Variants in EP300 observed in about 807,000 individuals in gnomAD.
The protein encoded by EP300 is histone acetyltransferase p300.
EP300 carries 31 observed loss-of-function variants against 264.0 expected under a neutral mutation model. The observed-to-expected ratio is 0.12, with a 90% CI of 0.09 to 0.16. The LOEUF is 0.16. EP300 is among the 10% of genes least tolerant of loss of function. The pLI is 1.00. For synonymous variants in EP300, 1,340 were observed against 1,045.4 expected (o/e 1.28, Z -5.44); for missense variants, 2,766 against 3,052.9 (o/e 0.91, Z 2.21).
At chr22:41,160,971 A>C (rs1293554170) in intron 20 of EP300, among the ~76,000 whole-genome samples, 2 of 150,598 alleles carry the variant, frequency 1.3e-5, no homozygotes, top group Non-Finnish European at 3.0e-5. Flanking sequence ...TATCCATCAT[A>C]GTAGAAAGCT....
chr22:41,102,024 CTTTTCTTTTTTT>C (rs2058734583), intron 1 of EP300, among the ~76,000 whole-genome samples: 1 of 126,612 alleles, frequency 7.9e-6, no homozygotes, highest in Admixed American at 8.9e-5. Flanking sequence ...GCTTTTTTTT[CTTTTCTTTTTTT>C]TTTTTTTTTT....
intron 10 of EP300, among the ~76,000 whole-genome samples, chr22:41,145,725 G>T (rs992576580): frequency 1.8e-4 from 27 of 152,092 alleles, no homozygotes; most frequent in African/African-American, 6.5e-4. Flanking sequence ...CCGGGGTCAT[G>T]CCCCGGGTTC....
intron 2 of EP300, among the ~76,000 whole-genome samples, chr22:41,123,303 T>A (rs1020893535): frequency 1.3e-5 from 2 of 151,972 alleles, no homozygotes; most frequent in African/African-American, 4.8e-5. Flanking sequence ...AGGCAAATGC[T>A]GGAGGCTCAA....
chr22:41,169,639 TTTTTTTC>T, intron 26 of EP300, 23 bp downstream of exon 26: 1 of 1,372,094 alleles, frequency 7.3e-7, no homozygotes, highest in Non-Finnish European at 1.0e-6. Flanking sequence ...TGATAATGGC[TTTTTTTC>T]TTTAACTAGC....
At chr22:41,143,210 T>C (rs967459568) in intron 10 of EP300, among the ~76,000 whole-genome samples, 1 of 152,112 alleles carries the variant, frequency 6.6e-6, no homozygotes, top group Non-Finnish European at 1.5e-5. Flanking sequence ...CCCAGCTCTT[T>C]GGGAGGCTGA....
intron 21 of EP300, among the ~76,000 whole-genome samples, chr22:41,163,414 G>A (rs530421407): frequency 8.2e-4 from 98 of 119,932 alleles, no homozygotes; most frequent in African/African-American, 2.2e-3. Flanking sequence ...CAGCCTGGGC[G>A]ACAGAGCGAG....
intron 20 of EP300, 104 bp from the exon 21 acceptor site, chr22:41,162,619 A>G: frequency 1.2e-6 from 1 of 868,834 alleles, no homozygotes; most frequent in Admixed American, 2.0e-5. Flanking sequence ...TTCTTAAAAA[A>G]CCTGAATCTC....
At chr22:41,095,086 C>T (rs1272409865) in intron 1 of EP300, among the ~76,000 whole-genome samples, 1 of 151,970 alleles carries the variant, frequency 6.6e-6, no homozygotes, top group East Asian at 1.9e-4. Context: ...TAACTTTACC[C>T]CCCTCCCCAA....
rs907281654 is a variant in EP300, at chr22:41,103,007, G to A, written c.94+9909G>A. Among the ~76,000 whole-genome samples the A allele has an allele frequency of 5.9e-5, 9 of 151,994 alleles. No individual in the cohort carries two copies. The South Asian group carries it at 6.2e-4, about 10-fold the overall frequency. ...TGGGACTAAAGGTATCCACCACCAC[G>A]CCTGGCTAATTTTTGTATTTTTAGT... On this transcript the variant is annotated intron_variant, in intron 1 of 30. Coordinates refer to ENST00000263253, the MANE Select transcript of EP300 (RefSeq NM_001429.4).
intron 1 of EP300, among the ~76,000 whole-genome samples, chr22:41,100,617 C>G (rs1204177977): frequency 6.6e-6 from 1 of 152,092 alleles, no homozygotes; most frequent in Non-Finnish European, 1.5e-5. Context: ...TGTCATTATT[C>G]CCTAAACAAT....
chr22:41,131,852 G>C (rs1053173136), intron 6 of EP300, among the ~76,000 whole-genome samples: 1 of 152,076 alleles, frequency 6.6e-6, no homozygotes, highest in East Asian at 1.9e-4. Flanking sequence ...TATGAGTTCA[G>C]ATTTGCAGAA....
At chr22:41,170,911 C>T (rs1456798755) in intron 27 of EP300, among the ~76,000 whole-genome samples, 2 of 150,876 alleles carry the variant, frequency 1.3e-5, no homozygotes, top group Non-Finnish European at 2.9e-5. Flanking sequence ...GATCCGCCCG[C>T]CTTGGCCTCC....
chr22:41,104,542 G>A (rs986521247), intron 1 of EP300, among the ~76,000 whole-genome samples: 9 of 151,930 alleles, frequency 5.9e-5, no homozygotes, highest in Admixed American at 4.6e-4. Flanking sequence ...CGCCCGCCTC[G>A]GCCTCCCAAA....
rs767850255 is a variant in EP300, at chr22:41,169,491, C to T, written c.4173-12C>T. On this transcript the variant is annotated splice_polypyrimidine_tract_variant and intron_variant, in intron 25 of 30. Coordinates refer to ENST00000263253, the MANE Select transcript of EP300 (RefSeq NM_001429.4). ...TTTTTTTTTCCTCTTCATTTCTCTT[C>T]ATTTTGTATAGGAGAGTATACATAT... The T allele has an allele frequency of 4.5e-6, 7 of 1,555,952 alleles. No homozygotes were observed. Among genetic ancestry groups the T allele is most frequent in the Non-Finnish European group, 6.2e-6 (7 of 1,130,672 alleles).
In EP300 at chr22:41,153,846, T is replaced by C. The variant is rs77091213; in HGVS notation, c.3143-1149T>C. ...TAAATATGAGTGACAAGCATCTTCG[T>C]AGTCTGGTTTCCCCCCACTCCATGG... is the stretch of plus-strand genomic sequence containing the variant. On this transcript the variant is annotated intron_variant, in intron 16 of 30. Transcript: ENST00000263253. 5.8e-3 allele frequency among the ~76,000 whole-genome samples: 891 copies of C among 152,312 alleles called. 4 individuals are homozygous for C. Among genetic ancestry groups the C allele is most frequent in the Non-Finnish European group, 9.3e-3 (630 of 68,020 alleles).
intron 30 of EP300, 39 bp downstream of exon 30, chr22:41,176,567 C>T (rs758096303): frequency 8.1e-6 from 13 of 1,612,388 alleles, no homozygotes; most frequent in Non-Finnish European, 1.0e-5. Flanking sequence ...GTGAGCTCCG[C>T]AGGGTTGTTC....
rs2145513006 is a variant in EP300, at chr22:41,176,376, A to G, written c.4909A>G (p.Lys1637Glu). 1 of 1,614,200 alleles carries G rather than the reference A, an allele frequency of 6.2e-7. No homozygotes were observed. The highest frequency in any genetic ancestry group is 8.5e-7 in the Non-Finnish European group (1 of 1,180,044). ...RDAFLTLARD[K>E]HLEFSSLRRA... ...TGCGTTTCTCACGCTGGCAAGGGAC[A>G]AGCACCTGGAGTTCTCTTCACTCCG... Residue 1637 changes from lysine to glutamate, a missense_variant, in exon 30 of 31, where the codon AAG becomes GAG. Physicochemically the swap from Lys to Glu is moderately conservative, Grantham distance 56. Transcript: ENST00000263253.
intron 10 of EP300, among the ~76,000 whole-genome samples, chr22:41,142,160 G>A (rs1398456091): frequency 6.6e-6 from 1 of 152,156 alleles, no homozygotes; most frequent in Non-Finnish European, 1.5e-5. Context: ...AATGGCACAG[G>A]CTGTAAGTGC....
At chr22:41,166,118 T>C (rs979267174) in intron 22 of EP300, among the ~76,000 whole-genome samples, 1 of 152,220 alleles carries the variant, frequency 6.6e-6, no homozygotes, top group Non-Finnish European at 1.5e-5. Flanking sequence ...TGCTGCATTT[T>C]TAATGGATGC....
Sources: allele counts gnomAD v4.1 joint callset (sites outside exome capture counted in the v4.1 genomes callset), GRCh38; gene constraint gnomAD v4.1.1; transcripts MANE v1.5; gene names NCBI Gene and HGNC (gene_info 2026-07-23, HGNC 2026-07-21).